The following WWOX variants were observed in gnomAD, a reference collection of about 807,000 sequenced individuals.
WWOX encodes the protein WW domain containing oxidoreductase, also known as WW domain-containing oxidoreductase.
WWOX carries 69 observed loss-of-function variants against 46.2 expected under a neutral mutation model. The observed-to-expected ratio is 1.49, with a 90% CI of 1.23 to 1.82. The LOEUF is 1.82. Ranked by LOEUF, WWOX falls within the 40% of genes most tolerant of loss-of-function variation. WWOX has a pLI of 0.00. For missense variants in WWOX, 919 were observed against 542.6 expected (o/e 1.69, Z -6.89); for synonymous variants, 359 against 202.6 (o/e 1.77, Z -6.56).
intron 6 of WWOX, among the ~76,000 whole-genome samples, chr16:78,390,223 G>T (rs560988632): frequency 1.6e-4 from 25 of 152,318 alleles, no homozygotes; most frequent in Non-Finnish European, 3.1e-4. Context: ...CAGTTCCTCT[G>T]TCAGAATGTG....
intron 8 of WWOX, among the ~76,000 whole-genome samples, chr16:78,680,719 A>G (rs1179252659): frequency 6.6e-6 from 1 of 152,174 alleles, no homozygotes; most frequent in Non-Finnish European, 1.5e-5. Flanking sequence ...GCACATACAG[A>G]AAGAACGTTT....
chr16:78,706,455 C>G (rs2048330194), intron 8 of WWOX, among the ~76,000 whole-genome samples: 1 of 152,106 alleles, frequency 6.6e-6, no homozygotes, highest in Admixed American at 6.5e-5. Flanking sequence ...ATCAAGAGCT[C>G]CATCTCTGTT....
At chr16:78,144,449 A>G (rs12933668) in intron 4 of WWOX, among the ~76,000 whole-genome samples, 416 of 7,946 alleles carry the variant, frequency 0.052, 26 homozygotes, top group East Asian at 0.1. Context: ...ATATATATAC[A>G]CATATATATA....
intron 5 of WWOX, among the ~76,000 whole-genome samples, chr16:78,357,458 A>G (rs2081320812): frequency 6.6e-6 from 1 of 152,166 alleles, no homozygotes; most frequent in Non-Finnish European, 1.5e-5. Context: ...GATTGATTGA[A>G]TCAACCACTT....
intron 8 of WWOX, among the ~76,000 whole-genome samples, chr16:78,438,610 G>A (rs754939510): frequency 9.9e-5 from 15 of 152,162 alleles, no homozygotes. Flanking sequence ...CCACATATTT[G>A]TGTTGGCAGA....
Position 78,260,385 on chromosome 16 carries a change from T to C in WWOX, c.516+96096T>C, listed in dbSNP as rs557069574. On this transcript the variant is annotated intron_variant, in intron 5 of 8. Transcript: ENST00000566780. ...TAAATTCACAAAAATGTAAGGCTCA[T>C]TTACATTACAGGCTCAGGCCTGTAA... is the stretch of plus-strand genomic sequence containing the variant. Among the ~76,000 whole-genome samples the C allele has an allele frequency of 4.9e-4, 75 of 151,730 alleles. 4 individuals carry two copies. Among genetic ancestry groups the C allele is most frequent in the Admixed American group, 1.1e-3 (17 of 15,254 alleles).
At chr16:78,972,980 C>A (rs1046457896) in intron 8 of WWOX, among the ~76,000 whole-genome samples, 3 of 152,162 alleles carry the variant, frequency 2.0e-5, no homozygotes, top group Non-Finnish European at 4.4e-5. Context: ...GTAATTGATT[C>A]ATAAGATCCC....
At chr16:78,447,173 T>A (rs2083580270) in intron 8 of WWOX, among the ~76,000 whole-genome samples, 1 of 152,234 alleles carries the variant, frequency 6.6e-6, no homozygotes, top group South Asian at 2.1e-4. Context: ...TCAGTTCAAG[T>A]TAGCTGTGTA....
At chr16:79,093,875 C>G (rs1487988786) in intron 8 of WWOX, among the ~76,000 whole-genome samples, 1 of 152,154 alleles carries the variant, frequency 6.6e-6, no homozygotes, top group African/African-American at 2.4e-5. Flanking sequence ...CAGAGTGGGC[C>G]TCACCGCAGC....
At chr16:78,448,370 C>A (rs2083610520) in intron 8 of WWOX, among the ~76,000 whole-genome samples, 1 of 152,140 alleles carries the variant, frequency 6.6e-6, no homozygotes, top group Non-Finnish European at 1.5e-5. Flanking sequence ...ATACAATGCA[C>A]ATTCATTATT....
intron 5 of WWOX, among the ~76,000 whole-genome samples, chr16:78,173,962 AGAG>A (rs2035248879): frequency 6.6e-6 from 1 of 151,796 alleles, no homozygotes; most frequent in Non-Finnish European, 1.5e-5. Flanking sequence ...AGGAATTGAG[AGAG>A]AGAGAGAGAG....
chr16:79,095,499 C>T (rs2049049743), intron 8 of WWOX, among the ~76,000 whole-genome samples: 1 of 152,134 alleles, frequency 6.6e-6, no homozygotes, highest in Non-Finnish European at 1.5e-5. Context: ...TGCCCTGGTC[C>T]ATCAGTCAGA....
chr16:78,541,764 T>C (rs1473205378), intron 8 of WWOX, among the ~76,000 whole-genome samples: 1 of 152,020 alleles, frequency 6.6e-6, no homozygotes, highest in Non-Finnish European at 1.5e-5. Context: ...CAGGGTTATA[T>C]GTCAATGGGT....
At chr16:78,294,287 G>A (rs2079907232) in intron 5 of WWOX, among the ~76,000 whole-genome samples, 1 of 152,088 alleles carries the variant, frequency 6.6e-6, no homozygotes, top group African/African-American at 2.4e-5. Flanking sequence ...GCCCAGTGCC[G>A]GGGTTGCAGA....
At chr16:78,766,246 G>T (rs1246866091) in intron 8 of WWOX, among the ~76,000 whole-genome samples, 1 of 152,178 alleles carries the variant, frequency 6.6e-6, no homozygotes, top group Non-Finnish European at 1.5e-5. Flanking sequence ...ATCACCTAGC[G>T]CTGGTAGAAA....
intron 4 of WWOX, among the ~76,000 whole-genome samples, chr16:78,144,488 C>CACATATATATATATAT (rs1567596482): frequency 0.039 from 260 of 6,684 alleles, 38 homozygotes; most frequent in Non-Finnish European, 0.043. Context: ...TATATATATA[C>CACATATATATATATAT]ACACACACAC....
At chr16:78,549,708 T>C (rs1219840495) in intron 8 of WWOX, among the ~76,000 whole-genome samples, 1 of 152,090 alleles carries the variant, frequency 6.6e-6, no homozygotes, top group Non-Finnish European at 1.5e-5. Context: ...TCACTACATA[T>C]TATAGGAATC....
At chr16:78,726,993 C>A (rs986766461) in intron 8 of WWOX, among the ~76,000 whole-genome samples, 2 of 152,150 alleles carry the variant, frequency 1.3e-5, no homozygotes, top group Admixed American at 1.3e-4. Flanking sequence ...TTCCTTTTTC[C>A]TGAGAGCAGC....
At chr16:78,370,439 G>T (rs945023550) in intron 5 of WWOX, among the ~76,000 whole-genome samples, 1 of 151,994 alleles carries the variant, frequency 6.6e-6, no homozygotes, top group East Asian at 1.9e-4. Flanking sequence ...GTTTACATTG[G>T]GAAAGGGAAA....
Sources: gnomAD v4.1 joint callset for allele counts (sites outside exome capture counted in the v4.1 genomes callset) on GRCh38, gnomAD v4.1.1 for gene constraint, MANE v1.5 for transcripts, NCBI Gene and HGNC (gene_info 2026-07-23, HGNC 2026-07-21) for gene names.